Variants in PRAMEF20 observed in about 807,000 individuals in gnomAD.
PRAMEF20 encodes PRAME family member 20/21.
In PRAMEF20, 27 loss-of-function variants were observed where a neutral mutation model predicts 32.4. That is an observed-to-expected ratio of 0.83 (90% CI 0.61 to 1.15). The LOEUF is 1.15. PRAMEF20 is among the 50% of genes most tolerant of loss of function. PRAMEF20 has a pLI of 0.00. For synonymous variants in PRAMEF20, 256 were observed against 235.4 expected, an observed-to-expected ratio of 1.09 and a Z score of -0.80; for missense variants, 604 against 584.5, an observed-to-expected ratio of 1.03 and a Z score of -0.34.
intron 1 of PRAMEF20, among the ~76,000 whole-genome samples, chr1:13,417,867 G>C (rs1434435146): frequency 6.7e-6 from 1 of 148,866 alleles, no homozygotes; most frequent in South Asian, 2.2e-4. Context: ...TCAGCCTCCC[G>C]AGTAGCTGGG....
chr1:13,416,778 TG>T, intron 1 of PRAMEF20, 137 bp downstream of exon 2: 1 of 1,550,674 alleles, frequency 6.4e-7, no homozygotes, highest in Non-Finnish European at 8.7e-7. Context: ...AGAGAGGCCT[TG>T]GCCATTGCCC....
intron 2 of PRAMEF20, among the ~76,000 whole-genome samples, chr1:13,419,502 G>A (rs1013176399): frequency 4.6e-5 from 7 of 151,548 alleles, no homozygotes; most frequent in Non-Finnish European, 8.8e-5. Flanking sequence ...GCTCTGTCTC[G>A]CTTTATTGCC....
At chr1:13,417,566 GCA>G (rs1373345029) in intron 1 of PRAMEF20, among the ~76,000 whole-genome samples, 1 of 150,756 alleles carries the variant, frequency 6.6e-6, no homozygotes, top group Non-Finnish European at 1.5e-5. Flanking sequence ...TTGCGCCACT[GCA>G]CTCCAGCCTG....
At chr1:13,416,635 G>C (rs779646091) in exon 1 of PRAMEF20, 2 of 1,614,104 alleles carry the variant, frequency 1.2e-6, no homozygotes, top group East Asian at 4.5e-5. Flanking sequence ...CACAGGGTTC[G>C]TCTCAGGTGA....
upstream of PRAMEF20, among the ~76,000 whole-genome samples, chr1:13,414,745 G>T (rs562988933): frequency 6.6e-6 from 1 of 151,788 alleles, no homozygotes; most frequent in Non-Finnish European, 1.5e-5. Flanking sequence ...GATAACAGGT[G>T]TGAACCACCG....
upstream of PRAMEF20, among the ~76,000 whole-genome samples, chr1:13,412,617 T>G (rs895788176): frequency 1.2e-3 from 184 of 150,752 alleles, 1 homozygote; most frequent in African/African-American, 4.1e-3. Flanking sequence ...AGCCCCACCC[T>G]GCCCGGCTCC....
chr1:13,420,672 C>T, intron 2 of PRAMEF20, 25 bp from the exon 4 acceptor site: 4 of 1,613,832 alleles, frequency 2.5e-6, no homozygotes, highest in Admixed American at 1.7e-5. Flanking sequence ...TTCCCCAGAA[C>T]TAACTTCCTG....
intron 2 of PRAMEF20, 60 bp downstream of exon 3, chr1:13,418,760 G>A: frequency 1.2e-6 from 2 of 1,608,954 alleles, no homozygotes; most frequent in East Asian, 2.2e-5. Flanking sequence ...TGTTACAGGG[G>A]GCATCTACTG....
At chr1:13,417,332 G>T (rs1641187642) in intron 1 of PRAMEF20, among the ~76,000 whole-genome samples, 1 of 152,028 alleles carries the variant, frequency 6.6e-6, no homozygotes, top group South Asian at 2.1e-4. Context: ...AGCGTTGATT[G>T]GTGCATTTTA....
the PRAMEF20 span, among the ~76,000 whole-genome samples, chr1:13,410,930 C>T: frequency 1.3e-4 from 19 of 151,696 alleles, no homozygotes; most frequent in African/African-American, 2.4e-5. Context: ...TGATCTCGGC[C>T]CACTGCAACC....
exon 3 of PRAMEF20, chr1:13,420,933 C>T (rs1641236089): frequency 1.6e-5 from 26 of 1,613,654 alleles, no homozygotes; most frequent in Admixed American, 5.0e-5. Context: ...CAAGTCAACG[C>T]CATCCTGCCT....
chr1:13,420,727 A>G (rs1641233230), exon 3 of PRAMEF20: 1 of 1,613,884 alleles, frequency 6.2e-7, no homozygotes, highest in Non-Finnish European at 8.5e-7. Context: ...ACATCCTCGC[A>G]ATAACTAACT....
intron 1 of PRAMEF20, among the ~76,000 whole-genome samples, chr1:13,417,418 CA>C (rs1459410125): frequency 6.6e-6 from 1 of 151,998 alleles, no homozygotes; most frequent in Non-Finnish European, 1.5e-5. Context: ...CACCTCTGAA[CA>C]TGGTGAAACC....
intron 1 of PRAMEF20, 58 bp downstream of exon 2, chr1:13,416,699 C>T: frequency 6.2e-7 from 1 of 1,612,976 alleles, no homozygotes; most frequent in African/African-American, 1.3e-5. Context: ...GAAGGAACAG[C>T]TGGGTCATGA....
At chr1:13,421,029 A>G (rs1335851469) in exon 3 of PRAMEF20, 30 of 1,613,826 alleles carry the variant, frequency 1.9e-5, no homozygotes, top group Non-Finnish European at 2.5e-5. Context: ...CTGCTGTGCC[A>G]CACAATCAGA....
chr1:13,417,908 A>G (rs1391325913), intron 1 of PRAMEF20, among the ~76,000 whole-genome samples: 47 of 42,580 alleles, frequency 1.1e-3, no homozygotes, highest in Middle Eastern at 0.031. Flanking sequence ...CGCCCGGCTA[A>G]TTTGTGTGTG....
chr1:13,411,207 T>C, the PRAMEF20 span, among the ~76,000 whole-genome samples: 1 of 152,140 alleles, frequency 6.6e-6, no homozygotes, highest in East Asian at 1.9e-4. Flanking sequence ...CATGCATCTG[T>C]AGTCCCAGCT....
upstream of PRAMEF20, among the ~76,000 whole-genome samples, chr1:13,411,791 C>G (rs1211314898): frequency 1.3e-5 from 2 of 152,176 alleles, no homozygotes; most frequent in East Asian, 3.8e-4. Flanking sequence ...GTTCCGTGTA[C>G]AGAATTCTCT....
chr1:13,421,111 G>A (rs1569869787), exon 3 of PRAMEF20: 1 of 1,613,904 alleles, frequency 6.2e-7, no homozygotes, highest in Non-Finnish European at 8.5e-7. Context: ...TCGTCTGCCG[G>A]AGCAGATTTG....
Sources: gnomAD v4.1 joint callset for allele counts (sites outside exome capture counted in the v4.1 genomes callset) on GRCh38, gnomAD v4.1.1 for gene constraint, MANE v1.5 for transcripts, NCBI Gene and HGNC (gene_info 2026-07-23, HGNC 2026-07-21) for gene names.